EPHB1: variants seen among roughly 807,000 people sequenced by gnomAD.
EPHB1 encodes the protein ephrin type-B receptor 1.
In EPHB1, 30 loss-of-function variants were observed where a neutral mutation model predicts 94.4. The ratio of observed to expected loss-of-function variants is 0.32; its 90% CI spans 0.24 to 0.43. EPHB1 has a LOEUF of 0.43. Ranked by LOEUF, EPHB1 falls within the 20% of genes least tolerant of loss-of-function variation. The pLI, the probability that EPHB1 is intolerant of heterozygous loss-of-function variation, is 1.00. For missense variants in EPHB1, 1,055 were observed against 1,308.3 expected, an observed-to-expected ratio of 0.81 and a Z score of 2.99; for synonymous variants, 522 against 489.1, an observed-to-expected ratio of 1.07 and a Z score of -0.89.
chr3:135,249,348 C>A lies in EPHB1; in HGVS notation c.2703C>A (p.Pro901=). The A allele has an allele frequency of 6.2e-7, 1 of 1,612,616 alleles. No homozygotes were observed. Among genetic ancestry groups the A allele is most frequent in the Non-Finnish European group, 8.5e-7 (1 of 1,179,290 alleles). ...VATITAVPSQ[P]LLDRSIPDFT... Reference sequence around the variant, plus strand: ...TCTGTCTCACCAGGCCTTCCCAGCCCCTGCTCGACCGCTCCATCCCAGACT... The same window carrying A: ...TCTGTCTCACCAGGCCTTCCCAGCCACTGCTCGACCGCTCCATCCCAGACT... The change falls in exon 15 of 16, where the codon CCC becomes CCA. Residue 901 remains proline, a synonymous_variant. Transcript: ENST00000398015.
chr3:135,020,527 A>G (rs1048316000), intron 3 of EPHB1, among the ~76,000 whole-genome samples: 1 of 152,204 alleles, frequency 6.6e-6, no homozygotes. Context: ...ATCATGCGCT[A>G]TATGGCCTTT....
intron 1 of EPHB1, among the ~76,000 whole-genome samples, chr3:134,829,254 C>T (rs965655472): frequency 6.6e-5 from 10 of 152,180 alleles, no homozygotes; most frequent in Non-Finnish European, 1.5e-5. Flanking sequence ...GTGTGCTCTG[C>T]TCCAGGCTTG....
chr3:135,094,041 G>A (rs1193365967), intron 3 of EPHB1, among the ~76,000 whole-genome samples: 1 of 152,156 alleles, frequency 6.6e-6, no homozygotes, highest in Non-Finnish European at 1.5e-5. Flanking sequence ...TGCCATGAGT[G>A]CCCTCATAGT....
At chr3:134,965,967 C>G (rs1933728803) in intron 3 of EPHB1, among the ~76,000 whole-genome samples, 1 of 152,176 alleles carries the variant, frequency 6.6e-6, no homozygotes, top group Non-Finnish European at 1.5e-5. Context: ...CAGATCTTTT[C>G]CCATCTCCTG....
At chr3:134,954,969 AG>A (rs1242006172) in intron 3 of EPHB1, among the ~76,000 whole-genome samples, 1 of 149,610 alleles carries the variant, frequency 6.7e-6, no homozygotes, top group Non-Finnish European at 1.5e-5. Flanking sequence ...AGAGGGGAGT[AG>A]AGGAAGCTAT....
chr3:135,180,021 T>C, intron 10 of EPHB1, 39 bp downstream of exon 10: 3 of 1,611,442 alleles, frequency 1.9e-6, no homozygotes, highest in Non-Finnish European at 2.5e-6. Flanking sequence ...TCTCCTGGTG[T>C]CCAAACATCT....
intron 2 of EPHB1, among the ~76,000 whole-genome samples, chr3:134,950,672 C>A (rs912712085): frequency 2.6e-5 from 4 of 152,104 alleles, no homozygotes; most frequent in South Asian, 2.1e-4. Flanking sequence ...CACTCATCAC[C>A]AAAGGGATGG....
At chr3:134,830,654 T>C (rs2036564762) in intron 1 of EPHB1, among the ~76,000 whole-genome samples, 1 of 151,980 alleles carries the variant, frequency 6.6e-6, no homozygotes, top group African/African-American at 2.4e-5. Flanking sequence ...TATTTTTCCC[T>C]CTCAAAAACG....
At chr3:135,109,618 G>A (rs1190188614) in intron 4 of EPHB1, among the ~76,000 whole-genome samples, 2 of 152,318 alleles carry the variant, frequency 1.3e-5, no homozygotes, top group South Asian at 2.1e-4. Flanking sequence ...CGCCATCACC[G>A]AGCATCACAG....
chr3:134,943,854 G>A (rs1210202843), intron 2 of EPHB1, among the ~76,000 whole-genome samples: 1 of 152,184 alleles, frequency 6.6e-6, no homozygotes, highest in Non-Finnish European at 1.5e-5. Flanking sequence ...CCATGAACAA[G>A]CTACGTGTGG....
intron 3 of EPHB1, among the ~76,000 whole-genome samples, chr3:135,038,546 A>G (rs1008749317): frequency 2.0e-5 from 3 of 152,010 alleles, no homozygotes; most frequent in Non-Finnish European, 2.9e-5. Context: ...GAGGCCCCCT[A>G]TGTCCGGAAT....
chr3:135,162,245 A>C (rs917759039), intron 7 of EPHB1, 65 bp downstream of exon 7: 2 of 1,485,710 alleles, frequency 1.3e-6, no homozygotes, highest in Admixed American at 4.3e-5. Context: ...AAGTAGCCCC[A>C]AAGATGCTGC....
intron 5 of EPHB1, among the ~76,000 whole-genome samples, chr3:135,151,201 G>C (rs375781358): frequency 6.6e-6 from 1 of 152,116 alleles, no homozygotes; most frequent in Non-Finnish European, 1.5e-5. Context: ...TATCATATAA[G>C]TCAGATTACA....
chr3:135,029,099 T>A (rs1308231884), intron 3 of EPHB1, among the ~76,000 whole-genome samples: 1 of 104,738 alleles, frequency 9.5e-6, no homozygotes, highest in African/African-American at 3.1e-5. Context: ...TCCATCCTTT[T>A]ATTTTGAGCC....
At chr3:134,980,068 G>A (rs1049827394) in intron 3 of EPHB1, among the ~76,000 whole-genome samples, 1 of 152,196 alleles carries the variant, frequency 6.6e-6, no homozygotes, top group Admixed American at 6.5e-5. Context: ...GGGCATGACA[G>A]GAATGAGTTA....
At chr3:135,020,891 G>T (rs1460087690) in intron 3 of EPHB1, among the ~76,000 whole-genome samples, 1 of 152,230 alleles carries the variant, frequency 6.6e-6, no homozygotes, top group South Asian at 2.1e-4. Flanking sequence ...TAGTAATAGG[G>T]TGAGAGTCTA....
chr3:135,071,784 G>T (rs1198348025), intron 3 of EPHB1, among the ~76,000 whole-genome samples: 1 of 152,018 alleles, frequency 6.6e-6, no homozygotes, highest in African/African-American at 2.4e-5. Context: ...TCTCCCCCTG[G>T]GTGGCTAATA....
chr3:134,829,295 T>G (rs2036539693), intron 1 of EPHB1, among the ~76,000 whole-genome samples: 1 of 152,098 alleles, frequency 6.6e-6, no homozygotes, highest in Non-Finnish European at 1.5e-5. Context: ...ATTCATGTTT[T>G]CAACCCAAAT....
At chr3:135,017,512 G>A (rs572102542) in intron 3 of EPHB1, among the ~76,000 whole-genome samples, 5 of 152,194 alleles carry the variant, frequency 3.3e-5, no homozygotes, top group Non-Finnish European at 7.4e-5. Flanking sequence ...CAGGGGAATC[G>A]GACCATAGCT....
Sources: allele counts gnomAD v4.1 joint callset (sites outside exome capture counted in the v4.1 genomes callset), GRCh38; gene constraint gnomAD v4.1.1; transcripts MANE v1.5; gene names NCBI Gene and HGNC (gene_info 2026-07-23, HGNC 2026-07-21).